The following TTN variants were observed in gnomAD, a reference collection of about 807,000 sequenced individuals.
TTN encodes titin, also known as connectin.
TTN carries 1,525 observed loss-of-function variants against 3,223.0 expected under a neutral mutation model. The ratio of observed to expected loss-of-function variants is 0.47; its 90% CI spans 0.45 to 0.49. TTN has a LOEUF of 0.49. Among genes scored for constraint, TTN ranks in the 20% least tolerant of loss-of-function variants. TTN has a pLI of 0.00. For missense variants in TTN, 40,786 were observed against 43,424.0 expected (o/e 0.94, Z 5.40); for synonymous variants, 14,094 against 15,161.0 (o/e 0.93, Z 5.17).
chr2:178,802,378 G>A (rs373628948), intron 2 of TTN, 37 bp from the exon 3 acceptor site: 225 of 1,591,600 alleles, frequency 1.4e-4, no homozygotes, highest in Non-Finnish European at 1.9e-4. Flanking sequence ...ATGTTTGAAT[G>A]GGCACCACAA....
Position 178,575,204 on chromosome 2 carries a change from A to G in TTN, c.70928T>C (p.Val23643Ala). 6.2e-7 allele frequency: 1 copy of G among 1,612,808 alleles called. No individual in the cohort carries two copies. The highest frequency in any genetic ancestry group is 8.5e-7 in the Non-Finnish European group (1 of 1,179,422). The change falls in exon 326 of 363, where the codon GTC (valine) becomes GCC (alanine). Residue 23643 changes from valine to alanine, a missense_variant. Val to Ala is a moderately conservative substitution (Grantham distance 64). Coordinates refer to ENST00000589042, the MANE Select transcript of TTN (RefSeq NM_001267550.2). The surrounding 1 kb of genome is among the most constrained non-coding windows in gnomAD (Gnocchi z 4.0). The part of the protein sequence containing the change: ...LDLRGIYQKL[V>A]IAKAGDNIKV... ...GATGTTGTCACCAGCTTTGGCAATG[A>G]CCAGTTTCTGATAGATGCCACGGAG...
chr2:178,702,422 T>G (rs1300348049), intron 107 of TTN, 32 bp downstream of exon 107: 1 of 1,612,738 alleles, frequency 6.2e-7, no homozygotes, highest in African/African-American at 1.3e-5. Flanking sequence ...GCTTAAATTA[T>G]ACATTCACTG....
Position 178,679,928 on chromosome 2 carries a change from A to T in TTN, c.33546T>A (p.Thr11182=). ...GTATCACTGGCACCACTTCTTCCTC[A>T]GTTATGAACTCCTCTTCTTCATGAA... The part of the protein sequence containing the change: ...EYIHEEEEFI[T]EEEVVPVIPV... The change falls in exon 140 of 363, where the codon ACT becomes ACA. Residue 11182 remains threonine, a synonymous_variant. Transcript: ENST00000589042. The T allele has an allele frequency of 6.2e-7, 1 of 1,613,122 alleles. No homozygotes were observed. The highest frequency in any genetic ancestry group is 1.1e-5 in the South Asian group (1 of 91,018).
At position 178,740,293 on chromosome 2, in the gene TTN, C is replaced by T. The variant is rs1005340630; in HGVS notation, c.12940G>A (p.Ala4314Thr). Reference sequence around the variant, plus strand: ...ATTCTGACCGCAGAATCTTGCCCTGCATTTTCCAGTGGATTTGCACTTTCT... The same window carrying T: ...ATTCTGACCGCAGAATCTTGCCCTGTATTTTCCAGTGGATTTGCACTTTCT... ...LIESANPLEN[A>T]GQDSAVRIEE... Residue 4314 changes from alanine to threonine, a missense_variant, in exon 48 of 363, where the codon GCA becomes ACA. Coordinates refer to ENST00000589042, the MANE Select transcript of TTN (RefSeq NM_001267550.2). The T allele has an allele frequency of 1.2e-6, 2 of 1,613,698 alleles. No individual in the cohort carries two copies. The highest frequency in any genetic ancestry group is 2.2e-5 in the East Asian group (1 of 44,834).
chr2:178,636,883 C>T lies in TTN; in HGVS notation c.40928-84G>A. 1 of 1,440,020 alleles carries T rather than the reference C, an allele frequency of 6.9e-7. No individual in the cohort carries two copies. Among genetic ancestry groups the T allele is most frequent in the Non-Finnish European group, 9.2e-7 (1 of 1,085,954 alleles). 89.2% of individuals were successfully genotyped at this position (1,440,020 alleles called of 1,614,324 possible). On this transcript the variant is annotated intron_variant, in intron 224 of 362. Coordinates refer to ENST00000589042, the MANE Select transcript of TTN (RefSeq NM_001267550.2). The surrounding 1 kb of genome is among the most constrained non-coding windows in gnomAD (Gnocchi z 4.3). ...TACTTGGCTGCCTGCTGGATAAAACCAGCCGTAAAGCAATTAGAAGACGAG... is the reference window on the plus strand; with the variant it reads ...TACTTGGCTGCCTGCTGGATAAAACTAGCCGTAAAGCAATTAGAAGACGAG...
chr2:178,685,442 A>G, intron 128 of TTN, 76 bp downstream of exon 128: 1 of 1,499,890 alleles, frequency 6.7e-7, no homozygotes. Flanking sequence ...AATATGGATG[A>G]CAAATTAGCT....
rs556278749 is a variant in TTN at position 178,669,129 on chromosome 2, C to T, written c.35545+244G>A. On this transcript the variant is annotated intron_variant, in intron 159 of 362. Transcript: ENST00000589042. Reference sequence around the variant, plus strand: ...TACAGAATAGGTTAGGAAAATTTAACAAGACAACTGACTTTTCTGAAATCA... The same window carrying T: ...TACAGAATAGGTTAGGAAAATTTAATAAGACAACTGACTTTTCTGAAATCA... 3.3e-5 allele frequency among the ~76,000 whole-genome samples: 5 copies of T among 152,152 alleles called. No individual in the cohort carries two copies. The East Asian group carries it at 9.6e-4, about 29-fold the overall frequency.
In TTN at chr2:178,633,986, A is replaced by T. The variant is rs142842339; in HGVS notation, c.42513T>A (p.His14171Gln). Residue 14171 changes from histidine to glutamine, a missense_variant, in exon 231 of 363, where the codon CAT becomes CAA. Physicochemically the swap from His to Gln is conservative, Grantham distance 24. Transcript: ENST00000589042. The stretch of plus-strand genomic sequence containing the variant: ...TGGCATCATTTTTGAACCAGACTAC[A>T]TGCATTTTTTCATGAGAAAGTTCAC... Reference protein sequence around the residue: ...FVCELSHEKMHVVWFKNDAKL... With the variant: ...FVCELSHEKMQVVWFKNDAKL... 6.2e-7 allele frequency: 1 copy of T among 1,613,374 alleles called. No individual in the cohort carries two copies. Among genetic ancestry groups the T allele is most frequent in the South Asian group, 1.1e-5 (1 of 91,064 alleles).
Position 178,731,111 on chromosome 2 carries a change from T to C in TTN, c.17554A>G (p.Ile5852Val). Residue 5852 changes from isoleucine (I) to valine (V), a missense_variant, in exon 60 of 363, where the codon ATT (isoleucine) becomes GTT (valine). Ile to Val is a conservative substitution (Grantham distance 29). Coordinates refer to ENST00000589042, the MANE Select transcript of TTN (RefSeq NM_001267550.2). ...LQVKFSGTKEITAKWFKDGQE... is the reference protein window; with the variant it reads ...LQVKFSGTKEVTAKWFKDGQE... ...CCATCTTTAAACCATTTGGCTGTAA[T>C]CTCCTTAGTCCCTGAAAATTTAACC... 1 of 1,613,730 alleles carries C rather than the reference T, an allele frequency of 6.2e-7. No individual in the cohort carries two copies. The highest frequency in any genetic ancestry group is 8.5e-7 in the Non-Finnish European group (1 of 1,179,720).
intron 221 of TTN, 131 bp downstream of exon 221, chr2:178,640,410 A>G: frequency 1.2e-6 from 1 of 849,046 alleles, no homozygotes; most frequent in South Asian, 1.7e-5. Flanking sequence ...GTGAGATGGT[A>G]AAGAAAATTA....
chr2:178,530,408 T>G lies in TTN; in HGVS notation c.106207A>C (p.Thr35403Pro). The change falls in exon 358 of 363, where the codon ACA becomes CCA. Residue 35403 changes from threonine to proline, a missense_variant. Transcript: ENST00000589042. ...TTTGGTTCAGTTTTTCTGGTTACTG[T>G]TGACTCAGTGGTTTTCTGATCTGAT... is the stretch of plus-strand genomic sequence containing the variant. ...KKSDQKTTES[T>P]VTRKTEPKAP... The G allele has an allele frequency of 6.2e-7, 1 of 1,614,020 alleles. No homozygotes were observed. Among genetic ancestry groups the G allele is most frequent in the Non-Finnish European group, 8.5e-7 (1 of 1,179,884 alleles).
chr2:178,573,755 G>T lies in TTN; in HGVS notation c.72377C>A (p.Pro24126His). Residue 24126 changes from proline (P) to histidine (H), a missense_variant, in exon 326 of 363, where the codon CCT becomes CAT. Transcript: ENST00000589042. ...NVKVLDRPGP[P>H]EGPLAVTEVT... ...TTCAGTTACAGCCAAAGGTCCTTCA[G>T]GTGGGCCTGGTCTGTCAAGAACTTT... 6.3e-7 allele frequency: 1 copy of T among 1,587,560 alleles called. No homozygotes were observed. Among genetic ancestry groups the T allele is most frequent in the Non-Finnish European group, 8.6e-7 (1 of 1,167,896 alleles).
At position 178,732,013 on chromosome 2, in the gene TTN, T is replaced by G; in HGVS notation, c.16904-42A>C. 1.9e-6 allele frequency: 3 copies of G among 1,590,180 alleles called. No individual in the cohort carries two copies. The South Asian group carries it at 3.5e-5, about 18-fold the overall frequency. ...ATGATTTGCATTAAGGGAGGAGGGG[T>G]CTGTGCCATGGGCCATAACTTTGGC... On this transcript the variant is annotated intron_variant, in intron 57 of 362. Transcript: ENST00000589042.
Position 178,533,778 on chromosome 2 carries a change from T to C in TTN, c.102837A>G (p.Val34279=). 1 of 1,613,992 alleles carries C rather than the reference T, an allele frequency of 6.2e-7. No homozygotes were observed. Among genetic ancestry groups the C allele is most frequent in the Non-Finnish European group, 8.5e-7 (1 of 1,179,866 alleles). The change falls in exon 358 of 363, where the codon GTA becomes GTG. Residue 34279 remains valine, a synonymous_variant. Coordinates refer to ENST00000589042, the MANE Select transcript of TTN (RefSeq NM_001267550.2). ...AYVGENVRFG[V]TITVHPEPHV... is the part of the protein sequence containing the mutation. ...GAGGCTCTGGGTGGACAGTTATAGT[T>C]ACTCCAAACCGGACATTTTCACCTA...
chr2:178,787,734 A>G (rs11897386), intron 13 of TTN, among the ~76,000 whole-genome samples: 17,236 of 152,080 alleles, frequency 0.11, 1,601 homozygotes, highest in African/African-American at 0.23. Flanking sequence ...AATCATGGTA[A>G]AATATTTTAA....
Position 178,635,682 on chromosome 2 carries a change from C to T in TTN, c.41642G>A (p.Arg13881Gln), listed in dbSNP as rs1268138413. 10 of 1,601,552 alleles carry T rather than the reference C, an allele frequency of 6.2e-6. No individual in the cohort carries two copies. The highest frequency in any genetic ancestry group is 3.4e-5 in the South Asian group (3 of 89,042). The change falls in exon 227 of 363, where the codon CGA (arginine) becomes CAA (glutamine). Residue 13881 changes from arginine to glutamine, a missense_variant. Physicochemically the swap from Arg to Gln is conservative, Grantham distance 43. Transcript: ENST00000589042. ...VIRDWLVKPI[R>Q]DQHVKPKGTA... Reference sequence around the variant, plus strand: ...CCCCTTGGGTTTCACATGCTGGTCTCGTATAGGTTTCACCAGCCAATCTCT... The same window carrying T: ...CCCCTTGGGTTTCACATGCTGGTCTTGTATAGGTTTCACCAGCCAATCTCT...
Position 178,695,281 on chromosome 2 carries a change from T to A in TTN, c.31270+67A>T. The stretch of plus-strand genomic sequence containing the variant: ...TGGATTGAACTGCTGATTTATACAT[T>A]GCTGCCAAACAAGCCATGATAATGA... On this transcript the variant is annotated intron_variant, in intron 115 of 362. Coordinates refer to ENST00000589042, the MANE Select transcript of TTN (RefSeq NM_001267550.2). The A allele has an allele frequency of 2.3e-6, 3 of 1,282,236 alleles. No individual in the cohort carries two copies. The South Asian group carries it at 3.9e-5, about 17-fold the overall frequency. 79.4% of individuals were successfully genotyped at this position (1,282,236 alleles called of 1,614,324 possible).
rs1298500274 is a variant in TTN, at chr2:178,771,285, G to T, written c.8042C>A (p.Thr2681Asn). ...GHKRRLIIAA[T>N]KLDDIGEYTY... ...ATATTCTCCAATGTCATCTAATTTG[G>T]TGGCAGCAATGATAAGTCTCCTTTT... is the stretch of plus-strand genomic sequence containing the variant. The change falls in exon 34 of 363, where the codon ACC becomes AAC. Residue 2681 changes from threonine (T) to asparagine (N), a missense_variant. Coordinates refer to ENST00000589042, the MANE Select transcript of TTN (RefSeq NM_001267550.2). 6.2e-7 allele frequency: 1 copy of T among 1,613,936 alleles called. No homozygotes were observed. Among genetic ancestry groups the T allele is most frequent in the African/African-American group, 1.3e-5 (1 of 74,910 alleles).
In TTN at chr2:178,551,953, A is replaced by T. The variant is rs140531141; in HGVS notation, c.90947T>A (p.Ile30316Asn). 1.2e-6 allele frequency: 2 copies of T among 1,612,674 alleles called. No homozygotes were observed. Among genetic ancestry groups the T allele is most frequent in the African/African-American group, 1.3e-5 (1 of 74,916 alleles). ...AATCCTGAACTGGTGTTTTGCCACA[A>T]TAATGCTTGAGACAAGTGGTTGGCT... ...GVSQPLVSSIIVAKHQFRIPG... is the reference protein window; with the variant it reads ...GVSQPLVSSINVAKHQFRIPG... The change falls in exon 335 of 363, where the codon ATT becomes AAT. Residue 30316 changes from isoleucine to asparagine, a missense_variant. By Grantham distance (149) the Ile-to-Asn change is moderately radical. Transcript: ENST00000589042.
Sources: allele counts gnomAD v4.1 joint callset (sites outside exome capture counted in the v4.1 genomes callset), GRCh38; gene constraint gnomAD v4.1.1; non-coding constraint Gnocchi (gnomAD v3.1); transcripts MANE v1.5; gene names NCBI Gene and HGNC (gene_info 2026-07-23, HGNC 2026-07-21).